GNG2: variants seen among roughly 807,000 people sequenced by gnomAD.
GNG2 encodes G protein subunit gamma 2.
GNG2 carries 5 observed loss-of-function variants against 5.5 expected under a neutral mutation model. That is an observed-to-expected ratio of 0.91 (90% CI 0.48 to 1.92). GNG2 has a LOEUF of 1.92. Among genes scored for constraint, GNG2 ranks in the 30% most tolerant of loss-of-function variants. The pLI is 0.01. For synonymous variants in GNG2, 28 were observed against 32.0 expected, an observed-to-expected ratio of 0.88 and a Z score of 0.42; for missense variants, 55 against 88.4, an observed-to-expected ratio of 0.62 and a Z score of 1.52.
chr14:51,892,206 GT>G (rs1376045439), intron 2 of GNG2, among the ~76,000 whole-genome samples: 1 of 151,842 alleles, frequency 6.6e-6, no homozygotes, highest in Non-Finnish European at 1.5e-5. Context: ...GACGTAAATT[GT>G]TTTTTATTAT....
chr14:51,893,502 T>G (rs982504788), intron 2 of GNG2, among the ~76,000 whole-genome samples: 1 of 152,210 alleles, frequency 6.6e-6, no homozygotes, highest in African/African-American at 2.4e-5. Context: ...TTTGTCCGCT[T>G]TATATGCTGC....
At chr14:51,937,622 A>AT (rs1888087348) in intron 2 of GNG2, among the ~76,000 whole-genome samples, 1 of 24,188 alleles carries the variant, frequency 4.1e-5, no homozygotes. Flanking sequence ...AGAAATACAT[A>AT]ATTTTTTTTT....
At chr14:51,848,552 A>T (rs1023070880) in intron 2 of GNG2, among the ~76,000 whole-genome samples, 6 of 152,254 alleles carry the variant, frequency 3.9e-5, no homozygotes, top group African/African-American at 1.4e-4. Flanking sequence ...TCTTCCCTAG[A>T]TGTTAGGAGG....
chr14:51,895,706 G>C (rs1028662827), intron 2 of GNG2, among the ~76,000 whole-genome samples: 1 of 152,214 alleles, frequency 6.6e-6, no homozygotes, highest in African/African-American at 2.4e-5. Flanking sequence ...CCACTGATAT[G>C]GTTTGGCTAT....
intron 2 of GNG2, among the ~76,000 whole-genome samples, chr14:51,931,754 A>G (rs1887671505): frequency 1.3e-5 from 2 of 152,212 alleles, no homozygotes; most frequent in African/African-American, 4.8e-5. Flanking sequence ...AAATGGTTCA[A>G]CTGCTTTGGA....
chr14:51,863,595 A>G (rs1336227706), intron 1 of GNG2, among the ~76,000 whole-genome samples: 1 of 152,116 alleles, frequency 6.6e-6, no homozygotes, highest in African/African-American at 2.4e-5. Flanking sequence ...TAGCGAGTAC[A>G]TTGATGTGCT....
intron 2 of GNG2, among the ~76,000 whole-genome samples, chr14:51,915,078 T>C (rs1231734279): frequency 6.6e-6 from 1 of 152,256 alleles, no homozygotes; most frequent in Non-Finnish European, 1.5e-5. Context: ...TAACCCAAAG[T>C]ATTTACCATT....
intron 2 of GNG2, among the ~76,000 whole-genome samples, chr14:51,848,326 C>T (rs1022239288): frequency 5.9e-5 from 9 of 152,102 alleles, no homozygotes; most frequent in Non-Finnish European, 1.0e-4. Flanking sequence ...CATGTCATGC[C>T]CTTGTTCAGA....
intron 2 of GNG2, among the ~76,000 whole-genome samples, chr14:51,941,487 T>C (rs982882136): frequency 6.6e-6 from 1 of 152,144 alleles, no homozygotes; most frequent in African/African-American, 2.4e-5. Context: ...CTACTGCAAA[T>C]ACCAAAACAC....
chr14:51,945,142 C>T (rs904204977), intron 2 of GNG2, among the ~76,000 whole-genome samples: 33 of 121,324 alleles, frequency 2.7e-4, no homozygotes, highest in African/African-American at 5.5e-4. Context: ...ACAAAAAAAA[C>T]GGAAAATAAC....
chr14:51,887,860 C>A (rs761946133), intron 2 of GNG2, among the ~76,000 whole-genome samples: 1 of 152,136 alleles, frequency 6.6e-6, no homozygotes, highest in Non-Finnish European at 1.5e-5. Context: ...ATGCAAATAC[C>A]TTTTTAGGAT....
intron 2 of GNG2, among the ~76,000 whole-genome samples, chr14:51,834,985 A>T (rs12890046): frequency 6.6e-6 from 1 of 152,038 alleles, no homozygotes; most frequent in African/African-American, 2.4e-5. Context: ...GGGCTCTAAA[A>T]GTCAGCAGAG....
intron 2 of GNG2, among the ~76,000 whole-genome samples, chr14:51,908,113 G>A (rs1886048546): frequency 6.6e-6 from 1 of 152,220 alleles, no homozygotes; most frequent in African/African-American, 2.4e-5. Flanking sequence ...ATTAGCCAGG[G>A]CAGCTGTCAT....
At position 51,969,376 on chromosome 14, in the gene GNG2, T is replaced by C. The variant is rs1890097999; in HGVS notation, c.*2689T>C. 1 of 152,200 alleles carries C rather than the reference T, an allele frequency of 6.6e-6. No homozygotes were observed. The highest frequency in any genetic ancestry group is 1.5e-5 in the Non-Finnish European group (1 of 68,032). 9.4% of individuals were successfully genotyped at this position (152,200 alleles called of 1,614,324 possible). On this transcript the variant is annotated 3_prime_UTR_variant, in exon 4 of 4. Transcript: ENST00000556766. ...GAAACCAAGTACTGTTTAATTTCAA[T>C]CAGAAGATGCAAATACATACTTTGA...
intron 1 of GNG2, among the ~76,000 whole-genome samples, chr14:51,870,408 A>G (rs745801303): frequency 3.9e-5 from 6 of 152,254 alleles, no homozygotes; most frequent in Non-Finnish European, 8.8e-5. Flanking sequence ...CTATAAAGCA[A>G]TAAGAATGGC....
Position 51,966,701 on chromosome 14 carries a change from G to A in GNG2, c.*14G>A, listed in dbSNP as rs113233099. On this transcript the variant is annotated 3_prime_UTR_variant, in exon 4 of 4. Coordinates refer to ENST00000556766, the MANE Select transcript of GNG2 (RefSeq NM_053064.5). ...GCCATCCTTTAAGTCTTTGAGAGGG[G>A]CCTGAAGAGCCTCCGGGCTCCTGGG... The A allele has an allele frequency of 3.1e-6, 5 of 1,611,904 alleles. No homozygotes were observed. Among genetic ancestry groups the A allele is most frequent in the Non-Finnish European group, 4.2e-6 (5 of 1,178,064 alleles).
At position 51,843,396 on chromosome 14, in the gene GNG2, G is replaced by A. The variant is rs141249982; in HGVS notation, c.64+15589G>A. ...GAACAATGAGAACACATGGACACAG[G>A]GATGGGAGCATCACACACTGGGGCC... On this transcript the variant is annotated intron_variant, in intron 2 of 3. Coordinates refer to the GNG2 transcript ENST00000553432. 9.2e-5 allele frequency among the ~76,000 whole-genome samples: 14 copies of A among 152,154 alleles called. No homozygotes were observed. In the East Asian group the frequency reaches 2.3e-3, roughly 25 times the overall value.
chr14:51,876,279 T>C (rs922552936), intron 1 of GNG2, among the ~76,000 whole-genome samples: 1 of 152,082 alleles, frequency 6.6e-6, no homozygotes, highest in Non-Finnish European at 1.5e-5. Flanking sequence ...AATTTTATCA[T>C]GTGGAGTTTC....
At chr14:51,842,657 T>C (rs1444850547) in intron 2 of GNG2, among the ~76,000 whole-genome samples, 2 of 147,212 alleles carry the variant, frequency 1.4e-5, no homozygotes, top group Admixed American at 6.7e-5. Flanking sequence ...AGTACAGTTA[T>C]TTGCCAGAAT....
Sources: gnomAD v4.1 joint callset for allele counts (sites outside exome capture counted in the v4.1 genomes callset) on GRCh38, gnomAD v4.1.1 for gene constraint, MANE v1.5 for transcripts, NCBI Gene and HGNC (gene_info 2026-07-23, HGNC 2026-07-21) for gene names.